NANS: variants seen among roughly 807,000 people sequenced by gnomAD.
The protein encoded by NANS is N-acetylneuraminate synthase.
Under a neutral mutation model 33.3 loss-of-function variants are expected in NANS, and 29 were observed. The ratio of observed to expected loss-of-function variants is 0.87; its 90% CI spans 0.65 to 1.19. The LOEUF is 1.19. Ranked by LOEUF, NANS falls within the 50% of genes most tolerant of loss-of-function variation. The pLI, the probability that NANS is intolerant of heterozygous loss-of-function variation, is 0.00. For synonymous variants in NANS, 163 were observed against 177.2 expected (o/e 0.92, Z 0.64); for missense variants, 394 against 461.1 (o/e 0.85, Z 1.33).
chr9:98,073,565 G>A (rs1829448114), intron 2 of NANS, among the ~76,000 whole-genome samples: 1 of 150,572 alleles, frequency 6.6e-6, no homozygotes, highest in African/African-American at 2.4e-5. Flanking sequence ...TTACAGGCGT[G>A]AGCCACCGCG....
In NANS at chr9:98,071,590, AGGACATCTGGGTACTTGCAGGCTG is replaced by A. The variant is rs569861154; in HGVS notation, c.349-5310_349-5287del. ...AGGAAAGCAACCTGGGCTAAGGGCTAGGACATCTGGGTACTTGCAGGCTGGGACATCTGGGTACTTGTCCTGGCT... is the reference window on the plus strand; with the variant it reads ...AGGAAAGCAACCTGGGCTAAGGGCTAGGACATCTGGGTACTTGTCCTGGCT... On this transcript the variant is annotated intron_variant, in intron 2 of 5. Coordinates refer to ENST00000210444, the MANE Select transcript of NANS (RefSeq NM_018946.4). Among the ~76,000 whole-genome samples the A allele has an allele frequency of 1.2e-4, 18 of 152,352 alleles. No homozygotes were observed. In the East Asian group the frequency reaches 1.3e-3, roughly 11 times the overall value.
chr9:98,065,656 C>T lies in NANS; in HGVS notation c.348+4659C>T, dbSNP rs1587908801. On this transcript the variant is annotated intron_variant, in intron 2 of 5. Coordinates refer to ENST00000210444, the MANE Select transcript of NANS (RefSeq NM_018946.4). ...ATCCAGCTGCTTTTTTTTTTTTCCC[C>T]CTGGAGACAGAATGATAACGGTTTG... Among the ~76,000 whole-genome samples, 2 of 150,612 alleles carry T rather than the reference C, an allele frequency of 1.3e-5. 1 individual carries two copies. Among genetic ancestry groups the T allele is most frequent in the South Asian group, 4.2e-4 (2 of 4,742 alleles).
Position 98,078,179 on chromosome 9 carries a change from G to A in NANS, c.449-14G>A, listed in dbSNP as rs1304466132. On this transcript the variant is annotated splice_polypyrimidine_tract_variant and intron_variant, in intron 3 of 5. Transcript: ENST00000210444. ...AAGAGAAAGTGCTGATGGTGTTGGT[G>A]CTGGATTACTCAGGTCGCCCAATGG... 4 of 1,614,194 alleles carry A rather than the reference G, an allele frequency of 2.5e-6. No individual in the cohort carries two copies. The highest frequency in any genetic ancestry group is 2.2e-5 in the East Asian group (1 of 44,884).
At chr9:98,080,083 G>A (rs533576039) in intron 4 of NANS, among the ~76,000 whole-genome samples, 1 of 152,236 alleles carries the variant, frequency 6.6e-6, no homozygotes, top group South Asian at 2.1e-4. Context: ...GCGTGGTGGC[G>A]GGCACCCATA....
At chr9:98,064,443 A>G (rs1829075574) in intron 2 of NANS, among the ~76,000 whole-genome samples, 1 of 152,166 alleles carries the variant, frequency 6.6e-6, no homozygotes, top group East Asian at 1.9e-4. Flanking sequence ...TTTAGTAGAG[A>G]TGGGGTTTCA....
At chr9:98,057,723 C>T (rs1203847222) in intron 1 of NANS, among the ~76,000 whole-genome samples, 1 of 152,072 alleles carries the variant, frequency 6.6e-6, no homozygotes, top group South Asian at 2.1e-4. Flanking sequence ...TAAGGCCTGG[C>T]CTGCACTATG....
rs138450028 is a variant in NANS at position 98,082,773 on chromosome 9, T to TTGAG, written c.871-70_871-67dup. 2.0e-3 allele frequency: 2,919 copies of TTGAG among 1,443,244 alleles called. 43 individuals carry two copies. In the African/African-American group the frequency reaches 0.036, roughly 18 times the overall value. 89.4% of individuals were successfully genotyped at this position (1,443,244 alleles called of 1,614,324 possible). A position where few individuals can be genotyped will look rare whatever the true frequency, so the allele number is the denominator to read the frequency against. Reference sequence around the variant, plus strand: ...GCCTGGGGAAGACTGATCAGGGACCTTGAGTGTAAAGTAAAGTAGTGTGCA... The same window carrying TTGAG: ...GCCTGGGGAAGACTGATCAGGGACCTTGAGTGAGTGTAAAGTAAAGTAGTGTGCA... On this transcript the variant is annotated intron_variant, in intron 5 of 5. Coordinates refer to ENST00000210444, the MANE Select transcript of NANS (RefSeq NM_018946.4).
chr9:98,061,912 C>T (rs1181360149), intron 2 of NANS, among the ~76,000 whole-genome samples: 2 of 151,880 alleles, frequency 1.3e-5, no homozygotes, highest in Non-Finnish European at 2.9e-5. Flanking sequence ...CCAGGTTTCT[C>T]CCAGTAGAAA....
intron 2 of NANS, among the ~76,000 whole-genome samples, chr9:98,067,566 G>A (rs995651548): frequency 1.3e-5 from 2 of 152,108 alleles, no homozygotes; most frequent in African/African-American, 4.8e-5. Context: ...TCAGTTTTAA[G>A]AATTGGATTA....
chr9:98,063,832 T>C (rs1829056257), intron 2 of NANS, among the ~76,000 whole-genome samples: 1 of 152,172 alleles, frequency 6.6e-6, no homozygotes, highest in African/African-American at 2.4e-5. Flanking sequence ...TTTAAGCCAC[T>C]GCACCCAGCC....
Position 98,065,936 on chromosome 9 carries a change from C to T in NANS, c.348+4939C>T, listed in dbSNP as rs113350892. 6.5e-3 allele frequency among the ~76,000 whole-genome samples: 989 copies of T among 152,268 alleles called. 9 individuals carry two copies. Among genetic ancestry groups the T allele is most frequent in the South Asian group, 8.1e-3 (39 of 4,824 alleles). ...CACCATGATTCTGAGACCTGCCCAG[C>T]CATGTGAAACTGTAAGTCCAATTAC... On this transcript the variant is annotated intron_variant, in intron 2 of 5. Coordinates refer to ENST00000210444, the MANE Select transcript of NANS (RefSeq NM_018946.4).
rs770659460 is a variant in NANS, at chr9:98,078,327, G to A, written c.583G>A (p.Val195Ile). 47 of 1,613,846 alleles carry A rather than the reference G, an allele frequency of 2.9e-5. No homozygotes were observed. Among genetic ancestry groups the A allele is most frequent in the Non-Finnish European group, 3.5e-5 (41 of 1,179,976 alleles). Residue 195 changes from valine (V) to isoleucine (I), a missense_variant, in exon 4 of 6, where the codon GTC becomes ATC. Transcript: ENST00000210444. ...CGCATACCCGCTCCAGCCTGAGGACGTCAACCTGCGGGTCATCTCGGTGAG... is the reference window on the plus strand; with the variant it reads ...CGCATACCCGCTCCAGCCTGAGGACATCAACCTGCGGGTCATCTCGGTGAG... ...TSAYPLQPED[V>I]NLRVISEYQK...
At chr9:98,060,392 G>A (rs1016681244) in intron 1 of NANS, among the ~76,000 whole-genome samples, 9 of 152,186 alleles carry the variant, frequency 5.9e-5, no homozygotes, top group Non-Finnish European at 8.8e-5. Flanking sequence ...ATGTCGGCTG[G>A]GCGCAGTGAC....
chr9:98,073,341 A>G (rs1332940072), intron 2 of NANS, among the ~76,000 whole-genome samples: 1 of 126,922 alleles, frequency 7.9e-6, no homozygotes, highest in African/African-American at 3.1e-5. Flanking sequence ...CTGGAGTGCA[A>G]TGGCATGCTC....
At chr9:98,068,927 A>C (rs1829230825) in intron 2 of NANS, among the ~76,000 whole-genome samples, 1 of 152,086 alleles carries the variant, frequency 6.6e-6, no homozygotes. Flanking sequence ...TGATCCAATC[A>C]CTCTAGAAAA....
In NANS at chr9:98,066,653, AT is replaced by A. The variant is rs35815359; in HGVS notation, c.348+5671del. Among the ~76,000 whole-genome samples, 878 of 143,244 alleles carry A rather than the reference AT, an allele frequency of 6.1e-3. 1 individual carries two copies. Among genetic ancestry groups the A allele is most frequent in the Non-Finnish European group, 8.3e-3 (541 of 65,336 alleles). 94.0% of individuals were successfully genotyped at this position (143,244 alleles called of 152,430 possible). On this transcript the variant is annotated intron_variant, in intron 2 of 5. Transcript: ENST00000210444. ...CCCAGGCCTAGGCAACCACTTACCG[AT>A]TTTTTTTTTTTTTTGAGACAGAGTC...
chr9:98,065,977 C>T (rs1370838888), intron 2 of NANS, among the ~76,000 whole-genome samples: 1 of 152,108 alleles, frequency 6.6e-6, no homozygotes, highest in East Asian at 1.9e-4. Context: ...ACAGCCTTCC[C>T]CAGAGTAATC....
chr9:98,078,075 G>A (rs1035129947), intron 3 of NANS, 118 bp from the exon 4 acceptor site: 1 of 1,468,660 alleles, frequency 6.8e-7, no homozygotes, highest in African/African-American at 1.4e-5. Flanking sequence ...CTGGCACAGT[G>A]TTTTAAGAGA....
intron 2 of NANS, among the ~76,000 whole-genome samples, chr9:98,065,602 G>A (rs76598821): frequency 6.8e-6 from 1 of 146,486 alleles, no homozygotes; most frequent in East Asian, 2.0e-4. Flanking sequence ...GCCTCCCAAA[G>A]TGTTAGGATT....
Sources: allele counts gnomAD v4.1 joint callset (sites outside exome capture counted in the v4.1 genomes callset), GRCh38; gene constraint gnomAD v4.1.1; transcripts MANE v1.5; gene names NCBI Gene and HGNC (gene_info 2026-07-23, HGNC 2026-07-21).